PDE4D: variants seen among roughly 807,000 people sequenced by gnomAD.
The protein encoded by PDE4D is phosphodiesterase 4D.
In PDE4D, 24 loss-of-function variants were observed where a neutral mutation model predicts 87.4. The ratio of observed to expected loss-of-function variants is 0.27; its 90% CI spans 0.20 to 0.39. PDE4D has a LOEUF of 0.39. Ranked by LOEUF, PDE4D falls within the 10% of genes least tolerant of loss-of-function variation. The pLI is 1.00. For synonymous variants in PDE4D, 384 were observed against 383.2 expected, an observed-to-expected ratio of 1.00 and a Z score of -0.02; for missense variants, 714 against 1,041.0, an observed-to-expected ratio of 0.69 and a Z score of 4.32.
In PDE4D at chr5:59,595,008, T is replaced by C. The variant is rs368314237; in HGVS notation, c.455+298160A>G. On this transcript the variant is annotated intron_variant, in intron 1 of 14. Coordinates refer to ENST00000340635, the MANE Select transcript of PDE4D (RefSeq NM_001104631.2). ...GAGTAAATGGAATATCTCTGGACCT[T>C]TCTGTGAATTTTGCTGTGAACCTAA... is the stretch of plus-strand genomic sequence containing the variant. 4.6e-5 allele frequency among the ~76,000 whole-genome samples: 7 copies of C among 152,264 alleles called. No homozygotes were observed. The South Asian group carries it at 1.2e-3, about 27-fold the overall frequency.
intron 3 of PDE4D, among the ~76,000 whole-genome samples, chr5:59,968,991 A>ATT (rs373120667): frequency 2.5e-5 from 3 of 120,930 alleles, no homozygotes; most frequent in African/African-American, 8.8e-5. Flanking sequence ...AAGAAAAGGC[A>ATT]CCCCCCCCCC....
chr5:60,358,144 T>C (rs1759769320), intron 1 of PDE4D, among the ~76,000 whole-genome samples: 1 of 152,182 alleles, frequency 6.6e-6, no homozygotes. Flanking sequence ...ATTTGACCAC[T>C]CTGCTATACT....
chr5:60,186,444 A>G (rs764293221), intron 1 of PDE4D, among the ~76,000 whole-genome samples: 6 of 152,174 alleles, frequency 3.9e-5, no homozygotes, highest in African/African-American at 7.2e-5. Flanking sequence ...AACAAATCGA[A>G]TAGCTATATG....
At chr5:59,539,397 TAATC>T (rs1815891809) in intron 1 of PDE4D, among the ~76,000 whole-genome samples, 1 of 152,174 alleles carries the variant, frequency 6.6e-6, no homozygotes. Context: ...CAAAAAATTC[TAATC>T]ACTAGCCAGA....
intron 1 of PDE4D, among the ~76,000 whole-genome samples, chr5:59,410,211 C>T (rs1022850882): frequency 8.5e-5 from 13 of 152,056 alleles, no homozygotes; most frequent in African/African-American, 2.7e-4. Context: ...TAAATGGCAT[C>T]CTACTCTCTA....
intron 1 of PDE4D, 90 bp downstream of exon 1, chr5:59,893,078 T>C (rs1291705081): frequency 7.8e-7 from 1 of 1,285,646 alleles, no homozygotes; most frequent in Non-Finnish European, 1.1e-6. Context: ...GGGTCTAGAA[T>C]TGGTGGTGAT....
chr5:60,401,280 CA>C (rs1489071237), intron 1 of PDE4D, among the ~76,000 whole-genome samples: 1 of 152,138 alleles, frequency 6.6e-6, no homozygotes, highest in African/African-American at 2.4e-5. Flanking sequence ...TGGGCATACT[CA>C]AGACTTATTT....
chr5:59,115,110 T>C (rs939318372), intron 5 of PDE4D, among the ~76,000 whole-genome samples: 17 of 151,890 alleles, frequency 1.1e-4, no homozygotes, highest in African/African-American at 3.9e-4. Flanking sequence ...GAGGAGACAT[T>C]GAAGGGGATG....
At chr5:60,362,421 A>AT (rs1224887759) in intron 1 of PDE4D, among the ~76,000 whole-genome samples, 1 of 152,170 alleles carries the variant, frequency 6.6e-6, no homozygotes, top group Non-Finnish European at 1.5e-5. Context: ...AGAATTTCAC[A>AT]TTTTTCTGCC....
intron 1 of PDE4D, among the ~76,000 whole-genome samples, chr5:60,446,520 A>C (rs1302592374): frequency 6.6e-6 from 1 of 152,166 alleles, no homozygotes; most frequent in East Asian, 1.9e-4. Context: ...GCCTGAGACA[A>C]CACCACTACC....
chr5:59,498,472 C>T (rs1410079585), intron 1 of PDE4D, among the ~76,000 whole-genome samples: 1 of 151,510 alleles, frequency 6.6e-6, no homozygotes, highest in Admixed American at 6.6e-5. Context: ...TTTAACACTC[C>T]ATTTAAAAGG....
At chr5:60,089,760 G>GA (rs1224817629) in intron 2 of PDE4D, among the ~76,000 whole-genome samples, 9 of 143,294 alleles carry the variant, frequency 6.3e-5, no homozygotes, top group Admixed American at 2.1e-4. Context: ...TTGGTTTTTT[G>GA]AAAAAAAAAT....
chr5:60,041,067 A>G (rs1203636930), intron 2 of PDE4D, among the ~76,000 whole-genome samples: 1 of 152,224 alleles, frequency 6.6e-6, no homozygotes, highest in Non-Finnish European at 1.5e-5. Flanking sequence ...TTTAACTGCC[A>G]TTATAGTTCT....
In PDE4D at chr5:59,133,938, C is replaced by T. The variant is rs927761239; in HGVS notation, c.808+46657G>A. 5.3e-5 allele frequency among the ~76,000 whole-genome samples: 8 copies of T among 152,074 alleles called. No individual in the cohort carries two copies. In the South Asian group the frequency reaches 8.3e-4, roughly 16 times the overall value. On this transcript the variant is annotated intron_variant, in intron 5 of 14. Transcript: ENST00000340635. ...TTTCTTCTCCATGTGGAATGTTTTA[C>T]GACACAGCCTCACAGGCAATGTCCC...
At chr5:59,571,053 G>C (rs1275651302) in intron 1 of PDE4D, among the ~76,000 whole-genome samples, 1 of 152,146 alleles carries the variant, frequency 6.6e-6, no homozygotes, top group Non-Finnish European at 1.5e-5. Flanking sequence ...CATAACATGT[G>C]TAACATATGA....
intron 1 of PDE4D, among the ~76,000 whole-genome samples, chr5:59,468,057 T>G (rs572170652): frequency 2.2e-4 from 33 of 152,228 alleles, no homozygotes; most frequent in African/African-American, 7.7e-4. Context: ...TTTAAGAAAA[T>G]GTTTAAAAGC....
At chr5:60,180,577 A>G (rs1048174255) in intron 2 of PDE4D, among the ~76,000 whole-genome samples, 1 of 152,160 alleles carries the variant, frequency 6.6e-6, no homozygotes, top group Non-Finnish European at 1.5e-5. Flanking sequence ...TTATAAATTT[A>G]GTTATCAGAT....
intron 2 of PDE4D, among the ~76,000 whole-genome samples, chr5:60,079,792 T>C (rs1262268795): frequency 6.6e-6 from 1 of 152,230 alleles, no homozygotes; most frequent in Non-Finnish European, 1.5e-5. Flanking sequence ...TGCAGTATAG[T>C]TTGAAGTCAG....
chr5:60,182,319 T>C (rs1197841185), intron 2 of PDE4D, among the ~76,000 whole-genome samples: 1 of 152,240 alleles, frequency 6.6e-6, no homozygotes. Context: ...ATTTTCAGTG[T>C]TACCAAATTG....
Sources: gnomAD v4.1 joint callset for allele counts (sites outside exome capture counted in the v4.1 genomes callset) on GRCh38, gnomAD v4.1.1 for gene constraint, MANE v1.5 for transcripts, NCBI Gene and HGNC (gene_info 2026-07-23, HGNC 2026-07-21) for gene names.